Variants in MEGF6 observed in about 807,000 individuals in gnomAD.
MEGF6 encodes multiple epidermal growth factor-like domains protein 6.
In MEGF6, 184 loss-of-function variants were observed where a neutral mutation model predicts 207.1. That is an observed-to-expected ratio of 0.89 (90% CI 0.79 to 1.00). The LOEUF is 1.00. Among genes scored for constraint, MEGF6 ranks in the 50% least tolerant of loss-of-function variants. MEGF6 has a pLI of 0.00. For missense variants in MEGF6, 2,282 were observed against 2,202.9 expected (o/e 1.04, Z -0.72); for synonymous variants, 1,038 against 910.0 (o/e 1.14, Z -2.53).
At position 3,554,215 on chromosome 1, in the gene MEGF6, G is replaced by A. The variant is rs542047822; in HGVS notation, c.481+25610C>T. On this transcript the variant is annotated intron_variant, in intron 4 of 36. Transcript: ENST00000356575. ...ATGCCGTGGGCAGGGGCACTAAGAC[G>A]ACACCTCAGGAGGAGACGGTGAGGA... Among the ~76,000 whole-genome samples the A allele has an allele frequency of 7.2e-5, 11 of 152,266 alleles. No individual in the cohort carries two copies. The South Asian group carries it at 1.9e-3, about 26-fold the overall frequency.
intron 4 of MEGF6, among the ~76,000 whole-genome samples, chr1:3,579,130 T>C (rs1294311677): frequency 2.6e-5 from 4 of 152,194 alleles, no homozygotes; most frequent in Non-Finnish European, 5.9e-5. Flanking sequence ...GCTCAGGCTG[T>C]CTGAGGCCAG....
chr1:3,541,211 C>T (rs910080293), intron 4 of MEGF6, among the ~76,000 whole-genome samples: 4 of 152,246 alleles, frequency 2.6e-5, no homozygotes, highest in African/African-American at 9.6e-5. Context: ...CCGTGGGGGG[C>T]CTCAGCACTG....
intron 5 of MEGF6, among the ~76,000 whole-genome samples, chr1:3,523,734 G>A (rs923263640): frequency 6.6e-6 from 1 of 152,192 alleles, no homozygotes; most frequent in Non-Finnish European, 1.5e-5. Context: ...CAAATGTAGG[G>A]GACATCACAA....
chr1:3,568,923 C>A (rs1204450041), intron 4 of MEGF6, among the ~76,000 whole-genome samples: 1 of 152,196 alleles, frequency 6.6e-6, no homozygotes, highest in Non-Finnish European at 1.5e-5. Context: ...GCCTCTCTAC[C>A]CAGAAAAGAA....
intron 23 of MEGF6, 125 bp downstream of exon 23, chr1:3,499,463 C>T: frequency 6.9e-7 from 1 of 1,439,882 alleles, no homozygotes; most frequent in Non-Finnish European, 9.3e-7. Context: ...GTGAGCAAAG[C>T]ATCACTCTCA....
intron 4 of MEGF6, among the ~76,000 whole-genome samples, chr1:3,551,016 G>T (rs981588026): frequency 2.6e-5 from 4 of 152,244 alleles, no homozygotes; most frequent in Non-Finnish European, 5.9e-5. Context: ...GGAGTGTGAG[G>T]CAGGTGAGGA....
intron 4 of MEGF6, chr1:3,531,062 G>GGCTCGCCCGGCGCCCAC: frequency 6.6e-7 from 1 of 1,509,858 alleles, no homozygotes; most frequent in Non-Finnish European, 8.8e-7. Context: ...GCCCTGCCCA[G>GGCTCGCCCGGCGCCCAC]GCTCGCCCGG....
chr1:3,598,636 C>T, intron 2 of MEGF6, among the ~76,000 whole-genome samples: 1 of 152,136 alleles, frequency 6.6e-6, no homozygotes, highest in Non-Finnish European at 1.5e-5. Context: ...CCTCCGTTCT[C>T]CTGCAGCCAG....
intron 3 of MEGF6, among the ~76,000 whole-genome samples, chr1:3,587,468 T>C (rs991760498): frequency 1.3e-5 from 2 of 152,280 alleles, no homozygotes; most frequent in Admixed American, 6.5e-5. Flanking sequence ...GTGAAATGTT[T>C]AACCTATAGC....
chr1:3,493,753 G>C lies in MEGF6; in HGVS notation c.4387+18C>G. 2 of 1,608,362 alleles carry C rather than the reference G, an allele frequency of 1.2e-6. No homozygotes were observed. Among genetic ancestry groups the C allele is most frequent in the Non-Finnish European group, 1.7e-6 (2 of 1,176,594 alleles). ...AGACCCACACCCACGCCCTTCCTGG[G>C]CAGGACCCCAGACTCACCCAGGTTA... On this transcript the variant is annotated intron_variant, in intron 34 of 36. Transcript: ENST00000356575.
At chr1:3,494,812 A>G in intron 30 of MEGF6, 71 bp from the exon 31 acceptor site, 1 of 1,460,856 alleles carries the variant, frequency 6.8e-7, no homozygotes, top group South Asian at 1.4e-5. Flanking sequence ...ATATGTCCCC[A>G]CAGGCTGACA....
At chr1:3,501,136 A>G (rs1640844198) in intron 19 of MEGF6, 41 bp downstream of exon 19, 2 of 1,612,468 alleles carry the variant, frequency 1.2e-6, no homozygotes, top group Non-Finnish European at 1.7e-6. Context: ...CTGGCCACCT[A>G]CCCCAGGTCA....
At chr1:3,509,622 G>A (rs184860600) in intron 11 of MEGF6, among the ~76,000 whole-genome samples, 1 of 152,286 alleles carries the variant, frequency 6.6e-6, no homozygotes, top group African/African-American at 2.4e-5. Context: ...GGCTCCGGGA[G>A]GATGCCTGTC....
At chr1:3,602,376 G>A in intron 2 of MEGF6, 90 bp downstream of exon 2, 4 of 1,570,628 alleles carry the variant, frequency 2.5e-6, no homozygotes, top group Non-Finnish European at 3.5e-6. Flanking sequence ...CCAGGACGGG[G>A]TCCTGGCCTC....
At chr1:3,515,047 C>T (rs992266856) in intron 6 of MEGF6, among the ~76,000 whole-genome samples, 12 of 152,212 alleles carry the variant, frequency 7.9e-5, no homozygotes, top group Admixed American at 6.5e-4. Flanking sequence ...ATTCTCTCAG[C>T]ACCTGCCCCA....
Position 3,510,811 on chromosome 1 carries a change from C to T in MEGF6, c.1206G>A (p.Arg402=). The change falls in exon 10 of 37, where the codon CGG becomes CGA. Residue 402 remains arginine (R), a synonymous_variant. Transcript: ENST00000356575. ...CACAGCCGCAGCCATCGGCACTGAGCCGGTAGCCGGCGTAGCAGCCGCACT... is the reference window on the plus strand; with the variant it reads ...CACAGCCGCAGCCATCGGCACTGAGTCGGTAGCCGGCGTAGCAGCCGCACT... ...GYECGCYAGY[R]LSADGCGCED... 1 of 1,609,980 alleles carries T rather than the reference C, an allele frequency of 6.2e-7. No individual in the cohort carries two copies. The highest frequency in any genetic ancestry group is 1.1e-5 in the South Asian group (1 of 90,990).
intron 4 of MEGF6, among the ~76,000 whole-genome samples, chr1:3,538,706 G>A (rs1189553120): frequency 8.0e-4 from 55 of 69,038 alleles, no homozygotes; most frequent in African/African-American, 1.9e-3. Flanking sequence ...CTGTGTGTGT[G>A]TGTGTGTGTG....
At chr1:3,533,378 A>G (rs12741675) in intron 4 of MEGF6, among the ~76,000 whole-genome samples, 45,135 of 152,240 alleles carry the variant, frequency 0.3, 7,132 homozygotes, top group Non-Finnish European at 0.35. Flanking sequence ...AGGAGCCTCT[A>G]AATCGCACGG....
At chr1:3,602,382 G>A (rs900341686) in intron 2 of MEGF6, 84 bp downstream of exon 2, 6 of 1,587,768 alleles carry the variant, frequency 3.8e-6, no homozygotes, top group Non-Finnish European at 5.1e-6. Context: ...CGGGGTCCTG[G>A]CCTCAGCTGC....
Sources: gnomAD v4.1 joint callset for allele counts (sites outside exome capture counted in the v4.1 genomes callset) on GRCh38, gnomAD v4.1.1 for gene constraint, MANE v1.5 for transcripts, NCBI Gene and HGNC (gene_info 2026-07-23, HGNC 2026-07-21) for gene names.